The following KLHL7 variants were observed in gnomAD, a reference collection of about 807,000 sequenced individuals.
KLHL7 encodes the protein kelch-like protein 7.
Under a neutral mutation model 67.4 loss-of-function variants are expected in KLHL7, and 44 were observed. The observed-to-expected ratio is 0.65, with a 90% CI of 0.51 to 0.84. KLHL7 has a LOEUF of 0.84. Among genes scored for constraint, KLHL7 ranks in the 40% least tolerant of loss-of-function variants. The probability of loss-of-function intolerance (pLI) is 0.00; values close to 1 mark genes in which losing one functional copy is unlikely to be tolerated. For synonymous variants in KLHL7, 252 were observed against 243.3 expected, an observed-to-expected ratio of 1.04 and a Z score of -0.33; for missense variants, 362 against 718.1, an observed-to-expected ratio of 0.50 and a Z score of 5.67.
At chr7:23,127,085 A>G (rs1396399225) in intron 4 of KLHL7, among the ~76,000 whole-genome samples, 3 of 152,206 alleles carry the variant, frequency 2.0e-5, no homozygotes, top group African/African-American at 7.2e-5. Context: ...AGACAATACT[A>G]TAAACGGGGA....
At chr7:23,121,036 T>G (rs1783314341) in intron 1 of KLHL7, among the ~76,000 whole-genome samples, 1 of 152,210 alleles carries the variant, frequency 6.6e-6, no homozygotes, top group Non-Finnish European at 1.5e-5. Context: ...TGCTTTTTAC[T>G]TGGATAAGAT....
intron 1 of KLHL7, among the ~76,000 whole-genome samples, chr7:23,112,750 A>T (rs768880799): frequency 2.0e-5 from 3 of 152,226 alleles, no homozygotes; most frequent in Non-Finnish European, 4.4e-5. Flanking sequence ...TTTGATGGGC[A>T]GACAAATGGG....
intron 7 of KLHL7, among the ~76,000 whole-genome samples, chr7:23,153,810 G>A (rs1385132409): frequency 6.6e-6 from 1 of 152,158 alleles, no homozygotes; most frequent in Non-Finnish European, 1.5e-5. Flanking sequence ...GTAACTGATA[G>A]CTTTGCAGTT....
chr7:23,159,352 G>A (rs1328957726), intron 7 of KLHL7, among the ~76,000 whole-genome samples: 1 of 151,910 alleles, frequency 6.6e-6, no homozygotes, highest in Non-Finnish European at 1.5e-5. Flanking sequence ...TTTTTTGTGT[G>A]GAGACAAGGG....
At chr7:23,167,678 CT>C (rs1785042094) in intron 8 of KLHL7, among the ~76,000 whole-genome samples, 157 bp from the exon 9 acceptor site, 1 of 152,168 alleles carries the variant, frequency 6.6e-6, no homozygotes, top group African/African-American at 2.4e-5. Flanking sequence ...TTAGCGTTTT[CT>C]TAAACTATTC....
In KLHL7 at chr7:23,105,956, C is replaced by T; in HGVS notation, c.-71C>T. 1 of 1,571,488 alleles carries T rather than the reference C, an allele frequency of 6.4e-7. No homozygotes were observed. Among genetic ancestry groups the T allele is most frequent in the Non-Finnish European group, 8.6e-7 (1 of 1,163,160 alleles). On this transcript the variant is annotated 5_prime_UTR_variant, in exon 1 of 11. Coordinates refer to ENST00000339077, the MANE Select transcript of KLHL7 (RefSeq NM_001031710.3). ...TCGCCGTGTTTGGTCGATAGAATCC[C>T]CAGTGTGCCCAGAGAGTGCGACCCC...
At chr7:23,112,615 C>G (rs1042371190) in intron 1 of KLHL7, among the ~76,000 whole-genome samples, 1 of 152,128 alleles carries the variant, frequency 6.6e-6, no homozygotes, top group Non-Finnish European at 1.5e-5. Flanking sequence ...TGGTCTAAAG[C>G]ACTGTATTCA....
intron 1 of KLHL7, among the ~76,000 whole-genome samples, chr7:23,117,099 T>TTTTTTTTTTTTTTTTTTG (rs1783121290): frequency 7.2e-6 from 1 of 138,360 alleles, no homozygotes; most frequent in African/African-American, 2.8e-5. Context: ...TTTTTTTTTT[T>TTTTTTTTTTTTTTTTTTG]TTTTTTGAGA....
At chr7:23,160,556 A>T (rs1459264179) in intron 7 of KLHL7, among the ~76,000 whole-genome samples, 1 of 152,326 alleles carries the variant, frequency 6.6e-6, no homozygotes, top group Admixed American at 6.5e-5. Context: ...CTAATCATTA[A>T]CAGCTAAGAA....
At chr7:23,129,338 T>C in intron 4 of KLHL7, 1 of 348,968 alleles carries the variant, frequency 2.9e-6, no homozygotes, top group Non-Finnish European at 5.7e-6. Context: ...CATAAATTGG[T>C]ATGTTAGCCA....
chr7:23,131,553 T>C (rs1291572908), intron 4 of KLHL7, among the ~76,000 whole-genome samples: 1 of 152,120 alleles, frequency 6.6e-6, no homozygotes, highest in Non-Finnish European at 1.5e-5. Flanking sequence ...TATAAAATGT[T>C]TTGATACAGG....
At chr7:23,144,579 T>G (rs1333686026) in intron 6 of KLHL7, among the ~76,000 whole-genome samples, 6 of 152,232 alleles carry the variant, frequency 3.9e-5, no homozygotes, top group African/African-American at 1.4e-4. Context: ...CTGTTTGCTC[T>G]CTAGGCCTGA....
intron 7 of KLHL7, among the ~76,000 whole-genome samples, chr7:23,164,081 A>G (rs1234624879): frequency 6.6e-6 from 1 of 152,104 alleles, no homozygotes; most frequent in Non-Finnish European, 1.5e-5. Context: ...GGTTGGAACT[A>G]GTTTCATCAC....
At chr7:23,121,308 A>C (rs1783326395) in intron 1 of KLHL7, among the ~76,000 whole-genome samples, 1 of 151,980 alleles carries the variant, frequency 6.6e-6, no homozygotes, top group Non-Finnish European at 1.5e-5. Context: ...GGGGGTGCAG[A>C]TGTCTCTTTG....
chr7:23,128,421 T>TA (rs1783663154), intron 4 of KLHL7, among the ~76,000 whole-genome samples: 1 of 82,256 alleles, frequency 1.2e-5, no homozygotes, highest in East Asian at 2.6e-4. Flanking sequence ...TTCTTTGGGT[T>TA]TAAAAAAAAA....
chr7:23,125,842 G>A (rs1464569331), intron 4 of KLHL7: 2 of 1,550,520 alleles, frequency 1.3e-6, no homozygotes, highest in Non-Finnish European at 1.7e-6. Flanking sequence ...GCACATGAAT[G>A]AACGTCCAGA....
chr7:23,172,678 C>G (rs1785198879), intron 9 of KLHL7: 1 of 294,122 alleles, frequency 3.4e-6, no homozygotes, highest in Non-Finnish European at 6.4e-6. Flanking sequence ...AATGGATTTC[C>G]TCTAAAAACG....
chr7:23,164,161 C>G (rs1157574678), intron 7 of KLHL7, among the ~76,000 whole-genome samples: 2 of 151,250 alleles, frequency 1.3e-5, no homozygotes, highest in Admixed American at 1.3e-4. Context: ...TTCCCCACCC[C>G]ACCCCCCGCC....
chr7:23,128,123 A>AT (rs1783648723), intron 4 of KLHL7, among the ~76,000 whole-genome samples: 1 of 142,402 alleles, frequency 7.0e-6, no homozygotes, highest in Non-Finnish European at 1.5e-5. Flanking sequence ...ACAGAGTGAG[A>AT]CTCTGTCTCA....
Sources: gnomAD v4.1 joint callset for allele counts (sites outside exome capture counted in the v4.1 genomes callset) on GRCh38, gnomAD v4.1.1 for gene constraint, MANE v1.5 for transcripts, NCBI Gene and HGNC (gene_info 2026-07-23, HGNC 2026-07-21) for gene names.